CYB5RL: variants seen among roughly 807,000 people sequenced by gnomAD.
CYB5RL encodes NADH-cytochrome b5 reductase-like.
In CYB5RL, 38 loss-of-function variants were observed where a neutral mutation model predicts 37.5. That is an observed-to-expected ratio of 1.01 (90% confidence interval 0.78 to 1.33). CYB5RL has a LOEUF of 1.33. Ranked by LOEUF, CYB5RL falls within the 40% of genes most tolerant of loss-of-function variation. CYB5RL has a pLI of 0.00. For synonymous variants in CYB5RL, 141 were observed against 151.9 expected (o/e 0.93, Z 0.53); for missense variants, 388 against 394.4 (o/e 0.98, Z 0.14).
intron 5 of CYB5RL, chr1:54,184,496 C>A (rs1005916804): frequency 1.1e-4 from 52 of 481,066 alleles, no homozygotes; most frequent in Non-Finnish European, 1.3e-4. Context: ...TCCATAGGAC[C>A]TAAAGCCTTC....
At position 54,190,961 on chromosome 1, in the gene CYB5RL, A is replaced by G. The variant is rs1218867289; in HGVS notation, c.199-65T>C. The G allele has an allele frequency of 5.8e-6, 9 of 1,562,828 alleles. No homozygotes were observed. The African/African-American group carries it at 1.1e-4, about 19-fold the overall frequency. On this transcript the variant is annotated intron_variant, in intron 3 of 7. Coordinates refer to ENST00000534324, the MANE Select transcript of CYB5RL (RefSeq NM_001031672.4). ...CCACAGACACACAGGCATCCATAGC[A>G]TCCTTCCCACTGTCCCCAAGGAGAG...
intron 5 of CYB5RL, 23 bp from the exon 6 acceptor site, chr1:54,184,288 G>A (rs753112264): frequency 1.1e-5 from 18 of 1,601,758 alleles, no homozygotes; most frequent in East Asian, 4.5e-5. Flanking sequence ...ACAGGGAGAC[G>A]TCAGCGGGAC....
intron 7 of CYB5RL, chr1:54,175,675 T>C (rs762018388): frequency 9.7e-5 from 43 of 443,292 alleles, no homozygotes; most frequent in Non-Finnish European, 1.8e-4. Flanking sequence ...GGATTGAAAA[T>C]ATTTTTTAAA....
At chr1:54,180,159 C>T (rs780868059) in intron 6 of CYB5RL, 11 of 417,908 alleles carry the variant, frequency 2.6e-5, no homozygotes, top group South Asian at 1.8e-4. Flanking sequence ...ATTGCTTGAG[C>T]CTGGGAGGCA....
At position 54,192,278 on chromosome 1, in the gene CYB5RL, G is replaced by A. The variant is rs1016274288; in HGVS notation, c.199-1382C>T. Reference sequence around the variant, plus strand: ...CGGCTCACTACAATCTCTGCCTCCCGGATTCAAGTGATTCTCGTGCCTCAG... The same window carrying A: ...CGGCTCACTACAATCTCTGCCTCCCAGATTCAAGTGATTCTCGTGCCTCAG... On this transcript the variant is annotated intron_variant, in intron 3 of 7. Transcript: ENST00000534324. Among the ~76,000 whole-genome samples the A allele has an allele frequency of 1.1e-4, 16 of 149,744 alleles. No individual in the cohort carries two copies. The East Asian group carries it at 2.8e-3, about 26-fold the overall frequency.
chr1:54,195,275 T>G, intron 3 of CYB5RL, 144 bp downstream of exon 3: 10 of 993,748 alleles, frequency 1.0e-5, no homozygotes, highest in East Asian at 2.8e-5. Flanking sequence ...GGCTGGGCTT[T>G]GAGCCTAGAT....
At position 54,170,746 on chromosome 1, in the gene CYB5RL, CAT is replaced by C. The variant is rs151208211; in HGVS notation, c.*3871_*3872del. On this transcript the variant is annotated 3_prime_UTR_variant, in exon 8 of 8. Transcript: ENST00000534324. ...CTTTATACACATCTCTGGTTGCACT[CAT>C]GTGTCACACACAACCTTTACCACAA... 2,700 of 248,870 alleles carry C rather than the reference CAT, an allele frequency of 0.011. 75 individuals are homozygous for C. Among genetic ancestry groups the C allele is most frequent in the African/African-American group, 0.055 (2,522 of 45,652 alleles). 15.4% of individuals were successfully genotyped at this position (248,870 alleles called of 1,614,324 possible).
intron 3 of CYB5RL, 26 bp downstream of exon 3, chr1:54,195,393 T>C: frequency 6.5e-7 from 1 of 1,546,336 alleles, no homozygotes; most frequent in Non-Finnish European, 8.8e-7. Context: ...GCCCTGGTGC[T>C]CATATCGAGA....
At chr1:54,198,627 G>A (rs1390232424) in intron 1 of CYB5RL, among the ~76,000 whole-genome samples, 8 of 130,132 alleles carry the variant, frequency 6.1e-5, no homozygotes, top group African/African-American at 1.4e-4. Flanking sequence ...CACCATGCCC[G>A]GCCTTTTTTT....
chr1:54,183,940 A>G, intron 6 of CYB5RL: 2 of 273,738 alleles, frequency 7.3e-6, no homozygotes, highest in South Asian at 8.4e-5. Context: ...GCGTCACTGC[A>G]CTCCAGCCTG....
intron 6 of CYB5RL, among the ~76,000 whole-genome samples, chr1:54,180,607 G>GAA (rs71579998): frequency 2.6e-5 from 3 of 116,404 alleles, no homozygotes; most frequent in Non-Finnish European, 3.7e-5. Context: ...CCGTCTCAAA[G>GAA]AAAAAAAAAA....
rs1371664442 is a variant in CYB5RL, at chr1:54,174,634, G to A, written c.933C>T (p.Ser311=). ...CLLCAGLTED[S]YFLF is the part of the protein sequence containing the mutation. ...GAGGCCAGGGCTAGAAGAGGAAATA[G>A]GAGTCCTCAGTGAGGCCTGCGCACA... The change falls in exon 8 of 8, where the codon TCC becomes TCT. Residue 311 remains serine (S), a synonymous_variant. Coordinates refer to ENST00000534324, the MANE Select transcript of CYB5RL (RefSeq NM_001031672.4). 3 of 1,609,850 alleles carry A rather than the reference G, an allele frequency of 1.9e-6. No homozygotes were observed. The highest frequency in any genetic ancestry group is 2.5e-6 in the Non-Finnish European group (3 of 1,178,288).
intron 7 of CYB5RL, among the ~76,000 whole-genome samples, chr1:54,175,955 A>G (rs1437270561): frequency 6.6e-6 from 1 of 152,220 alleles, no homozygotes; most frequent in African/African-American, 2.4e-5. Context: ...ATTTAAATGA[A>G]AAAACCATCT....
chr1:54,199,998 A>C lies in CYB5RL; in HGVS notation c.-245T>G, dbSNP rs528579049. The C allele has an allele frequency of 3.8e-6, 2 of 531,362 alleles. No homozygotes were observed. Among genetic ancestry groups the C allele is most frequent in the Admixed American group, 3.7e-5 (1 of 27,082 alleles). 32.9% of individuals were successfully genotyped at this position (531,362 alleles called of 1,614,324 possible). On this transcript the variant is annotated 5_prime_UTR_variant, in exon 1 of 8. Transcript: ENST00000534324. ...CACCTACTCGCCTGCGCTTCACCTC[A>C]CGTGAGGATTTTCCAGGTTCCTCCC...
intron 7 of CYB5RL, among the ~76,000 whole-genome samples, chr1:54,175,145 C>T (rs1157231992): frequency 2.6e-5 from 4 of 152,210 alleles, no homozygotes; most frequent in South Asian, 2.1e-4. Flanking sequence ...CACTGTGGGA[C>T]GGATGTTTTC....
In CYB5RL at chr1:54,172,354, T is replaced by TTC. The variant is rs1226042462; in HGVS notation, c.*2264_*2265insGA. On this transcript the variant is annotated 3_prime_UTR_variant, in exon 8 of 8. Transcript: ENST00000534324. The stretch of plus-strand genomic sequence containing the variant: ...GTTAATCTTTTTTTTTTTTTTTTTT[T>TTC]TGTAGAGACAGGGTTTTGTCATGTT... 1 of 150,226 alleles carries TTC rather than the reference T, an allele frequency of 6.7e-6. No homozygotes were observed. The highest frequency in any genetic ancestry group is 2.5e-5 in the African/African-American group (1 of 40,668). The allele number at this position is 150,226 out of a possible 1,614,324, so 9.3% of individuals were successfully genotyped here. A position where few individuals can be genotyped will look rare whatever the true frequency, so the allele number is the denominator to read the frequency against.
chr1:54,174,460 G>T lies in CYB5RL; in HGVS notation c.*159C>A. 6 of 762,150 alleles carry T rather than the reference G, an allele frequency of 7.9e-6. No homozygotes were observed. Among genetic ancestry groups the T allele is most frequent in the Non-Finnish European group, 1.3e-5 (6 of 464,076 alleles). The allele number at this position is 762,150 out of a possible 1,614,324, so 47.2% of individuals were successfully genotyped here. A position where few individuals can be genotyped will look rare whatever the true frequency, so the allele number is the denominator to read the frequency against. On this transcript the variant is annotated 3_prime_UTR_variant, in exon 8 of 8. Transcript: ENST00000534324. ...GTGATTAACCTCATGGGGCAGATGA[G>T]AAGTAGAGGTTCTGAGCAGTAAAGA...
intron 7 of CYB5RL, chr1:54,175,587 GA>G (rs1301147071): frequency 5.3e-6 from 2 of 379,738 alleles, no homozygotes; most frequent in Non-Finnish European, 1.1e-5. Context: ...CATATGTGTA[GA>G]AAAGTATACA....
chr1:54,198,628 G>A (rs1453779447), intron 1 of CYB5RL, among the ~76,000 whole-genome samples: 1 of 108,834 alleles, frequency 9.2e-6, no homozygotes, highest in Non-Finnish European at 1.8e-5. Context: ...ACCATGCCCG[G>A]CCTTTTTTTT....
Sources: allele counts gnomAD v4.1 joint callset (sites outside exome capture counted in the v4.1 genomes callset), GRCh38; gene constraint gnomAD v4.1.1; transcripts MANE v1.5; gene names NCBI Gene and HGNC (gene_info 2026-07-23, HGNC 2026-07-21).